ZFAT: variants seen among roughly 807,000 people sequenced by gnomAD.
ZFAT encodes the protein zinc finger protein ZFAT.
In ZFAT, 64 loss-of-function variants were observed where a neutral mutation model predicts 117.7. The observed-to-expected ratio is 0.54, with a 90% CI of 0.44 to 0.67. The LOEUF (loss-of-function observed/expected upper bound fraction) is 0.67, where lower values mean the gene tolerates loss of function less well. Ranked by LOEUF, ZFAT falls within the 30% of genes least tolerant of loss-of-function variation. The pLI, the probability that ZFAT is intolerant of heterozygous loss-of-function variation, is 0.00. For synonymous variants in ZFAT, 679 were observed against 615.0 expected, an observed-to-expected ratio of 1.10 and a Z score of -1.54; for missense variants, 1,433 against 1,584.5, an observed-to-expected ratio of 0.90 and a Z score of 1.62.
the ZFAT span, among the ~76,000 whole-genome samples, chr8:134,780,959 G>C: frequency 1.3e-5 from 2 of 151,990 alleles, no homozygotes; most frequent in East Asian, 3.9e-4. Context: ...TCACAGTCAG[G>C]GTACTAGTAA....
At chr8:134,490,426 C>T (rs539013425) in intron 15 of ZFAT, among the ~76,000 whole-genome samples, 1 of 152,210 alleles carries the variant, frequency 6.6e-6, no homozygotes, top group Non-Finnish European at 1.5e-5. Context: ...AGTCAACATT[C>T]CAAGAAGGCT....
At chr8:134,605,407 G>T (rs566785137) in intron 5 of ZFAT, among the ~76,000 whole-genome samples, 1 of 152,116 alleles carries the variant, frequency 6.6e-6, no homozygotes, top group Non-Finnish European at 1.5e-5. Flanking sequence ...TTAGCTGGGT[G>T]TGGTGGTGGG....
intron 11 of ZFAT, among the ~76,000 whole-genome samples, chr8:134,555,577 T>C (rs1045537262): frequency 1.3e-5 from 2 of 152,220 alleles, no homozygotes; most frequent in Non-Finnish European, 2.9e-5. Flanking sequence ...CTCAGTCTAC[T>C]GTTTTTTCAC....
At chr8:134,568,518 T>C (rs1355124786) in intron 10 of ZFAT, among the ~76,000 whole-genome samples, 1 of 152,168 alleles carries the variant, frequency 6.6e-6, no homozygotes, top group Non-Finnish European at 1.5e-5. Context: ...TTCTCTAAGT[T>C]GATAAATATT....
chr8:134,660,435 T>G (rs1831867824), intron 1 of ZFAT, among the ~76,000 whole-genome samples: 1 of 152,220 alleles, frequency 6.6e-6, no homozygotes, highest in African/African-American at 2.4e-5. Context: ...TTCATTTCAG[T>G]GTCCATTGAG....
rs552831359 is a variant in ZFAT at position 134,638,470 on chromosome 8, C to T, written c.197-758G>A. ...CCTGTAATCCCAGCACTTTGGGAGG[C>T]CGAGGTGGGCGGATCACGAGGTCAG... On this transcript the variant is annotated intron_variant, in intron 2 of 15. Coordinates refer to ENST00000377838, the MANE Select transcript of ZFAT (RefSeq NM_020863.4). 2.6e-5 allele frequency among the ~76,000 whole-genome samples: 4 copies of T among 150,966 alleles called. No individual in the cohort carries two copies. The East Asian group carries it at 7.8e-4, about 29-fold the overall frequency.
chr8:134,753,983 C>T, the ZFAT span, among the ~76,000 whole-genome samples: 1 of 152,174 alleles, frequency 6.6e-6, no homozygotes, highest in East Asian at 1.9e-4. Context: ...CTTTGTTTGT[C>T]CCAGCCTGAA....
chr8:134,662,927 C>T (rs1056355610), intron 1 of ZFAT, among the ~76,000 whole-genome samples: 1 of 152,200 alleles, frequency 6.6e-6, no homozygotes, highest in Non-Finnish European at 1.5e-5. Flanking sequence ...GTCTGGTTTT[C>T]GGGACCAGCC....
intron 11 of ZFAT, among the ~76,000 whole-genome samples, chr8:134,555,240 C>A (rs942886680): frequency 6.6e-6 from 1 of 151,308 alleles, no homozygotes. Context: ...CAGAGATGCT[C>A]GTTAGAGACT....
At chr8:134,607,930 C>T (rs1331872677) in intron 5 of ZFAT, among the ~76,000 whole-genome samples, 1 of 152,180 alleles carries the variant, frequency 6.6e-6, no homozygotes, top group African/African-American at 2.4e-5. Flanking sequence ...AAGCACTAGG[C>T]ACTCATATCC....
intron 11 of ZFAT, among the ~76,000 whole-genome samples, chr8:134,560,896 T>C (rs1646245382): frequency 6.6e-6 from 1 of 152,256 alleles, no homozygotes; most frequent in South Asian, 2.1e-4. Context: ...GTTTAGAGAA[T>C]CCTAGTTCAG....
At chr8:134,538,754 G>A (rs189821438) in intron 11 of ZFAT, among the ~76,000 whole-genome samples, 102 of 144,062 alleles carry the variant, frequency 7.1e-4, no homozygotes, top group Middle Eastern at 7.6e-3. Flanking sequence ...CCAAGATTGC[G>A]CCACTGCATT....
intron 5 of ZFAT, among the ~76,000 whole-genome samples, chr8:134,603,911 C>T (rs1341878334): frequency 1.3e-5 from 2 of 152,234 alleles, no homozygotes; most frequent in African/African-American, 2.4e-5. Flanking sequence ...TCTTCCTCCT[C>T]CTCTATCATG....
At chr8:134,539,460 C>G (rs1268651660) in intron 11 of ZFAT, among the ~76,000 whole-genome samples, 1 of 152,150 alleles carries the variant, frequency 6.6e-6, no homozygotes, top group Admixed American at 6.5e-5. Context: ...ATAAGCCTAC[C>G]TTGGAGAGGG....
At chr8:134,723,066 A>G in the ZFAT span, 1 of 152,262 alleles carries the variant, frequency 6.6e-6, no homozygotes, top group Non-Finnish European at 1.5e-5. Context: ...AGCCACCAGA[A>G]TGGTGAGGAC....
In ZFAT at chr8:134,704,419, C is replaced by A. The variant is rs80340432; in HGVS notation, c.19+8426G>T. ...CCTAGAAACAAACATGGATGGAATG[C>A]CTGCAGGTCCCTAAGGTAAAAGCCA... is the stretch of plus-strand genomic sequence containing the variant. On this transcript the variant is annotated intron_variant, in intron 1 of 15. Transcript: ENST00000377838. Among the ~76,000 whole-genome samples the A allele has an allele frequency of 7.9e-3, 1,196 of 152,256 alleles. 20 individuals carry two copies. The highest frequency in any genetic ancestry group is 0.028 in the African/African-American group (1,151 of 41,542).
rs1226371138 is a variant in ZFAT, at chr8:134,587,422, C to T, written c.2713+824G>A. Among the ~76,000 whole-genome samples the T allele has an allele frequency of 3.3e-5, 5 of 152,254 alleles. No homozygotes were observed. In the East Asian group the frequency reaches 9.6e-4, roughly 29 times the overall value. ...CTCTCTCTCCCTAATAGTTCCTTCC[C>T]TGGGACCTATAAATAGGTCATTTTA... On this transcript the variant is annotated intron_variant, in intron 9 of 15. Transcript: ENST00000377838.
chr8:134,676,255 C>CAAAAAAAAAAAAAAA (rs146638821), intron 1 of ZFAT, among the ~76,000 whole-genome samples: 6 of 80,592 alleles, frequency 7.4e-5, no homozygotes, highest in Admixed American at 1.5e-4. Flanking sequence ...AAATGGAAAG[C>CAAAAAAAAAAAAAAA]AAAAAAAAAA....
intron 1 of ZFAT, among the ~76,000 whole-genome samples, chr8:134,705,221 G>C (rs1465057722): frequency 6.6e-6 from 1 of 152,084 alleles, no homozygotes; most frequent in Admixed American, 6.5e-5. Context: ...TTTATTTTTA[G>C]AGAAACTGTT....
Sources: gnomAD v4.1 joint callset for allele counts (sites outside exome capture counted in the v4.1 genomes callset) on GRCh38, gnomAD v4.1.1 for gene constraint, MANE v1.5 for transcripts, NCBI Gene and HGNC (gene_info 2026-07-23, HGNC 2026-07-21) for gene names.